The following ABCB1 variants were observed in gnomAD, a reference collection of about 807,000 sequenced individuals.
ABCB1 encodes ATP binding cassette subfamily B member 1, also known as ATP-dependent translocase ABCB1.
ABCB1 carries 69 observed loss-of-function variants against 142.0 expected under a neutral mutation model. The observed-to-expected ratio is 0.49, with a 90% CI of 0.40 to 0.59. The LOEUF (loss-of-function observed/expected upper bound fraction) is 0.59, where lower values mean the gene tolerates loss of function less well. Among genes scored for constraint, ABCB1 ranks in the 20% least tolerant of loss-of-function variants. The pLI, the probability that ABCB1 is intolerant of heterozygous loss-of-function variation, is 0.00. For missense variants in ABCB1, 1,326 were observed against 1,554.7 expected (o/e 0.85, Z 2.47); for synonymous variants, 532 against 539.2 (o/e 0.99, Z 0.18).
intron 1 of ABCB1, chr7:87,693,918 A>G (rs1486357517): frequency 1.2e-6 from 2 of 1,609,708 alleles, no homozygotes; most frequent in African/African-American, 1.3e-5. Flanking sequence ...AGATTTCCCA[A>G]AGTTGCAGAT....
chr7:87,567,988 G>T (rs1584887852), intron 5 of ABCB1, among the ~76,000 whole-genome samples: 1 of 151,782 alleles, frequency 6.6e-6, no homozygotes, highest in Non-Finnish European at 1.5e-5. Context: ...CCAGCTACTT[G>T]GTTACTTGGG....
chr7:87,694,162 G>A (rs1022406212), intron 1 of ABCB1: 17 of 435,704 alleles, frequency 3.9e-5, no homozygotes, highest in South Asian at 9.6e-5. Flanking sequence ...TTAAAATCTT[G>A]TAAATCCACA....
chr7:87,650,758 T>C (rs1237906676), intron 1 of ABCB1: 1 of 996,126 alleles, frequency 1.0e-6, no homozygotes, highest in African/African-American at 1.6e-5. Context: ...CTTCCTCCCA[T>C]TTTTTTCATA....
chr7:87,620,577 T>C (rs949182331), intron 1 of ABCB1, among the ~76,000 whole-genome samples: 2 of 152,226 alleles, frequency 1.3e-5, no homozygotes, highest in African/African-American at 4.8e-5. Context: ...ATTCCAGTAT[T>C]TTAGTTTTGA....
chr7:87,518,317 T>A (rs1276806633), intron 23 of ABCB1, among the ~76,000 whole-genome samples: 3 of 152,224 alleles, frequency 2.0e-5, no homozygotes, highest in Non-Finnish European at 2.9e-5. Flanking sequence ...CTTGGAAGGT[T>A]GATTTTGCAA....
rs200120627 is a variant in ABCB1 at position 87,544,816 on chromosome 7, T to C, written c.2064+7A>G. On this transcript the variant is annotated splice_region_variant and intron_variant, in intron 16 of 27. Transcript: ENST00000622132. ...GATTAAAACAAACTCCGCATCTCCC[T>C]TCATACCAGAGCCTCTTTGGTACTA... The C allele has an allele frequency of 1.2e-6, 2 of 1,613,950 alleles. No homozygotes were observed. Among genetic ancestry groups the C allele is most frequent in the Non-Finnish European group, 1.7e-6 (2 of 1,179,972 alleles).
At chr7:87,652,806 T>C (rs1348366895) in intron 1 of ABCB1, among the ~76,000 whole-genome samples, 2 of 151,878 alleles carry the variant, frequency 1.3e-5, no homozygotes, top group African/African-American at 4.8e-5. Context: ...AGTACACTCT[T>C]CACTTATGAT....
At position 87,689,443 on chromosome 7, in the gene ABCB1, GCTTT is replaced by G. The variant is rs28381739; in HGVS notation, c.-331+23714_-331+23717del. 3.9e-5 allele frequency among the ~76,000 whole-genome samples: 6 copies of G among 152,074 alleles called. 1 individual carries two copies. The highest frequency in any genetic ancestry group is 1.2e-4 in the African/African-American group (5 of 41,514). On this transcript the variant is annotated intron_variant, in intron 1 of 28. Transcript: ENST00000265724. ...ACTTTATTTTTAATCTTGGAAAATT[GCTTT>G]CTTTATTATTTTTGCTACATAATTC...
intron 3 of ABCB1, among the ~76,000 whole-genome samples, chr7:87,587,038 A>G (rs1004975996): frequency 6.6e-6 from 1 of 152,210 alleles, no homozygotes; most frequent in African/African-American, 2.4e-5. Context: ...AAACATCATC[A>G]TATTTACAGA....
intron 1 of ABCB1, among the ~76,000 whole-genome samples, chr7:87,676,282 A>G (rs1163441042): frequency 6.6e-6 from 1 of 152,216 alleles, no homozygotes; most frequent in East Asian, 1.9e-4. Flanking sequence ...AACAATCCAC[A>G]AAATGAAAAG....
At chr7:87,633,226 C>T (rs187933869) in intron 1 of ABCB1, among the ~76,000 whole-genome samples, 25 of 152,224 alleles carry the variant, frequency 1.6e-4, no homozygotes, top group African/African-American at 4.8e-4. Context: ...TATTTTGGAG[C>T]GCAGGATTTG....
In ABCB1 at chr7:87,570,181, T is replaced by C. The variant is rs201389507; in HGVS notation, c.329A>G (p.Asp110Gly). Reference protein sequence around the residue: ...DTGFFMNLEEDMTRYAYYYSG... With the variant: ...DTGFFMNLEEGMTRYAYYYSG... ...GAGAATGTCTAATTACCTGGTCATG[T>C]CTTCCTCCAGATTCATGAAGAACCC... is the stretch of plus-strand genomic sequence containing the variant. Residue 110 changes from aspartate (D) to glycine (G), a missense_variant, in exon 5 of 28, where the codon GAC becomes GGC. Asp to Gly is a moderately conservative substitution (Grantham distance 94, BLOSUM62 -1). Coordinates refer to ENST00000622132, the MANE Select transcript of ABCB1 (RefSeq NM_001348946.2). The C allele has an allele frequency of 9.9e-6, 16 of 1,612,810 alleles. No homozygotes were observed. Among genetic ancestry groups the C allele is most frequent in the African/African-American group, 1.3e-5 (1 of 74,900 alleles).
chr7:87,516,711 A>G (rs753111085), intron 23 of ABCB1, 46 bp from the exon 24 acceptor site: 21 of 1,526,768 alleles, frequency 1.4e-5, no homozygotes, highest in Non-Finnish European at 1.9e-5. Context: ...TACCATCACA[A>G]TGCTAGAAAG....
intron 1 of ABCB1, among the ~76,000 whole-genome samples, chr7:87,626,091 T>TATATAGTCATATATATGTGTC (rs1820438462): frequency 1.0e-5 from 1 of 95,816 alleles, no homozygotes; most frequent in South Asian, 3.1e-4. Context: ...TATATATATA[T>TATATAGTCATATATATGTGTC]ATATATATTG....
At chr7:87,632,653 AT>A (rs1158903101) in intron 1 of ABCB1, among the ~76,000 whole-genome samples, 4 of 152,078 alleles carry the variant, frequency 2.6e-5, no homozygotes, top group African/African-American at 9.7e-5. Flanking sequence ...CGCCCTTCAG[AT>A]TTTTTTAACT....
intron 1 of ABCB1, among the ~76,000 whole-genome samples, chr7:87,698,559 TAA>T (rs1007653099): frequency 6.6e-6 from 1 of 152,210 alleles, no homozygotes; most frequent in African/African-American, 2.4e-5. Context: ...ACTATTGCTA[TAA>T]AAAGATAATT....
At chr7:87,553,660 C>T (rs1168004761) in intron 9 of ABCB1, 101 bp downstream of exon 9, 2 of 1,302,424 alleles carry the variant, frequency 1.5e-6, no homozygotes, top group Non-Finnish European at 2.2e-6. Flanking sequence ...CTGTAGTATT[C>T]AACAGTTGTT....
intron 23 of ABCB1, among the ~76,000 whole-genome samples, chr7:87,516,905 G>A (rs1199971937): frequency 6.6e-6 from 1 of 151,450 alleles, no homozygotes; most frequent in Non-Finnish European, 1.5e-5. Flanking sequence ...CCAGCTAATT[G>A]TTTTATTTTT....
chr7:87,520,659 C>A, intron 22 of ABCB1, 117 bp downstream of exon 22: 2 of 876,520 alleles, frequency 2.3e-6, no homozygotes, highest in Non-Finnish European at 3.8e-6. Context: ...CAATGGTTTA[C>A]CTTCGAGCAC....
Sources: allele counts gnomAD v4.1 joint callset (sites outside exome capture counted in the v4.1 genomes callset), GRCh38; gene constraint gnomAD v4.1.1; transcripts MANE v1.5; gene names NCBI Gene and HGNC (gene_info 2026-07-23, HGNC 2026-07-21).